CWC27: variants seen among roughly 807,000 people sequenced by gnomAD.
CWC27 encodes the protein CWC27 spliceosome associated cyclophilin, also known as spliceosome-associated protein CWC27 homolog.
CWC27 carries 47 observed loss-of-function variants against 63.6 expected under a neutral mutation model. The observed-to-expected ratio is 0.74, with a 90% CI of 0.58 to 0.94. The LOEUF (loss-of-function observed/expected upper bound fraction) is 0.94. CWC27 is among the 40% of genes least tolerant of loss of function. The probability of loss-of-function intolerance (pLI) is 0.00; values close to 1 mark genes in which losing one functional copy is unlikely to be tolerated. For synonymous variants in CWC27, 175 were observed against 179.8 expected, an observed-to-expected ratio of 0.97 and a Z score of 0.22; for missense variants, 495 against 554.3, an observed-to-expected ratio of 0.89 and a Z score of 1.07.
chr5:64,906,295 A>G (rs916228220), intron 11 of CWC27, among the ~76,000 whole-genome samples: 1 of 152,116 alleles, frequency 6.6e-6, no homozygotes, highest in Non-Finnish European at 1.5e-5. Flanking sequence ...AACAGTGTAA[A>G]AGTATTCCTA....
chr5:64,972,339 G>A (rs1749141355), intron 12 of CWC27, among the ~76,000 whole-genome samples: 1 of 152,146 alleles, frequency 6.6e-6, no homozygotes, highest in East Asian at 1.9e-4. Flanking sequence ...AATGAAAAGA[G>A]ATAGGAAGCT....
intron 13 of CWC27, among the ~76,000 whole-genome samples, chr5:65,009,652 ACT>A (rs1031577739): frequency 2.6e-5 from 4 of 151,886 alleles, no homozygotes; most frequent in Admixed American, 2.0e-4. Context: ...AGAAACTAAA[ACT>A]CTCTCTCTCT....
chr5:64,788,442 T>G (rs1268788295), intron 6 of CWC27, among the ~76,000 whole-genome samples: 2 of 152,000 alleles, frequency 1.3e-5, no homozygotes, highest in Non-Finnish European at 2.9e-5. Context: ...CAAACCTAGT[T>G]TTTTCTCCTT....
intron 13 of CWC27, among the ~76,000 whole-genome samples, chr5:65,014,619 CATG>C (rs1418250496): frequency 6.6e-6 from 1 of 152,024 alleles, no homozygotes; most frequent in Non-Finnish European, 1.5e-5. Context: ...TTGGGACATA[CATG>C]ATTGTAAACT....
At chr5:64,941,126 A>C (rs1253214159) in intron 11 of CWC27, among the ~76,000 whole-genome samples, 1 of 151,874 alleles carries the variant, frequency 6.6e-6, no homozygotes, top group Non-Finnish European at 1.5e-5. Context: ...TTATTTGAGC[A>C]CTTCCTTGTT....
At chr5:64,923,402 C>A (rs1748037001) in intron 11 of CWC27, among the ~76,000 whole-genome samples, 1 of 151,646 alleles carries the variant, frequency 6.6e-6, no homozygotes, top group South Asian at 2.1e-4. Context: ...ATCACAGCCA[C>A]CCCTTCCTTA....
intron 7 of CWC27, among the ~76,000 whole-genome samples, chr5:64,791,238 G>A (rs1001978841): frequency 6.6e-6 from 1 of 152,106 alleles, no homozygotes; most frequent in African/African-American, 2.4e-5. Context: ...CAATTGCTTT[G>A]AGATAGACTT....
intron 10 of CWC27, among the ~76,000 whole-genome samples, chr5:64,879,140 T>C (rs1746875471): frequency 6.6e-6 from 1 of 151,984 alleles, no homozygotes. Context: ...AAGCGAGTGA[T>C]AACTAGAAGG....
At chr5:64,978,634 G>A (rs1470154573) in intron 13 of CWC27, among the ~76,000 whole-genome samples, 4 of 149,728 alleles carry the variant, frequency 2.7e-5, no homozygotes, top group African/African-American at 9.8e-5. Context: ...CGGTGGGGGG[G>A]ATTCCTTGAA....
At chr5:64,941,822 T>C (rs1461944731) in intron 11 of CWC27, among the ~76,000 whole-genome samples, 6 of 152,132 alleles carry the variant, frequency 3.9e-5, no homozygotes, top group South Asian at 4.1e-4. Context: ...AGATATGGGC[T>C]TCATTACTTG....
intron 11 of CWC27, among the ~76,000 whole-genome samples, chr5:64,963,100 G>T (rs1006273810): frequency 6.6e-6 from 1 of 151,738 alleles, no homozygotes; most frequent in Non-Finnish European, 1.5e-5. Context: ...GATTACAGGC[G>T]CCCGCCACCA....
intron 2 of CWC27, among the ~76,000 whole-genome samples, chr5:64,777,194 C>T (rs564779025): frequency 1.7e-3 from 260 of 152,164 alleles, no homozygotes; most frequent in Non-Finnish European, 1.7e-3. Flanking sequence ...CTAATCTCTT[C>T]ACCTTTATTT....
intron 10 of CWC27, among the ~76,000 whole-genome samples, chr5:64,861,733 T>C (rs888670221): frequency 8.5e-5 from 13 of 152,208 alleles, no homozygotes; most frequent in African/African-American, 3.1e-4. Flanking sequence ...GGTCCTTCTA[T>C]GTGCTTCCAT....
intron 11 of CWC27, among the ~76,000 whole-genome samples, chr5:64,952,916 A>G (rs895898288): frequency 3.3e-5 from 5 of 152,120 alleles, no homozygotes; most frequent in African/African-American, 1.2e-4. Context: ...GACTGACTTT[A>G]GTCTGCTATA....
At chr5:65,013,973 TTG>T (rs1248800847) in intron 13 of CWC27, among the ~76,000 whole-genome samples, 1 of 152,100 alleles carries the variant, frequency 6.6e-6, no homozygotes, top group East Asian at 1.9e-4. Flanking sequence ...CAAATAGCTA[TTG>T]TATCTTAGTC....
intron 10 of CWC27, among the ~76,000 whole-genome samples, chr5:64,869,808 T>G (rs1746620445): frequency 6.6e-6 from 1 of 151,968 alleles, no homozygotes; most frequent in African/African-American, 2.4e-5. Flanking sequence ...ATATTATGTG[T>G]TTTATGTGTC....
chr5:64,998,776 T>C (rs1340951693), intron 13 of CWC27, among the ~76,000 whole-genome samples: 1 of 152,100 alleles, frequency 6.6e-6, no homozygotes, highest in Non-Finnish European at 1.5e-5. Flanking sequence ...ATTTTCCTAA[T>C]GCTCTATTTT....
chr5:64,892,733 A>G (rs1747271121), intron 11 of CWC27, among the ~76,000 whole-genome samples: 1 of 151,550 alleles, frequency 6.6e-6, no homozygotes, highest in Admixed American at 6.5e-5. Flanking sequence ...TAAAGACCGT[A>G]CAAATGCAGT....
intron 11 of CWC27, among the ~76,000 whole-genome samples, chr5:64,903,892 T>A (rs116524931): frequency 2.1e-4 from 32 of 152,326 alleles, no homozygotes; most frequent in African/African-American, 7.2e-4. Context: ...CCACATTGTA[T>A]CAAGTATCAG....
Sources: allele counts gnomAD v4.1 joint callset (sites outside exome capture counted in the v4.1 genomes callset), GRCh38; gene constraint gnomAD v4.1.1; transcripts MANE v1.5; gene names NCBI Gene and HGNC (gene_info 2026-07-23, HGNC 2026-07-21).